The following CHMP1A variants were observed in gnomAD, a reference collection of about 807,000 sequenced individuals.
CHMP1A encodes the protein VPS46 homolog A.
Under a neutral mutation model 27.0 loss-of-function variants are expected in CHMP1A, and 17 were observed. The observed-to-expected ratio is 0.63, with a 90% CI of 0.43 to 0.95. The LOEUF (loss-of-function observed/expected upper bound fraction) is 0.95. CHMP1A is among the 40% of genes least tolerant of loss of function. The pLI, the probability that CHMP1A is intolerant of heterozygous loss-of-function variation, is 0.00. For missense variants in CHMP1A, 275 were observed against 264.0 expected (o/e 1.04, Z -0.29); for synonymous variants, 131 against 107.5 (o/e 1.22, Z -1.35).
chr16:89,655,390 C>CCTCACCTCAGCTTTCT (rs2059856721), intron 1 of CHMP1A, among the ~76,000 whole-genome samples: 2 of 150,518 alleles, frequency 1.3e-5, no homozygotes, highest in Non-Finnish European at 3.0e-5. Flanking sequence ...CTCAGCTTTC[C>CCTCACCTCAGCTTTCT]CTCACCTCAG....
At chr16:89,655,712 G>A (rs890032375) in intron 1 of CHMP1A, among the ~76,000 whole-genome samples, 3 of 151,658 alleles carry the variant, frequency 2.0e-5, no homozygotes, top group African/African-American at 7.3e-5. Context: ...TGCAACCTCT[G>A]CCTCCCAGGT....
rs777223665 is a variant in CHMP1A, at chr16:89,646,512, G to C, written c.569+15C>G. Reference sequence around the variant, plus strand: ...CGTGGGGTTGGTGACACAGCGTTTCGGGGACCGACCCTACCTCCGTGACAG... The same window carrying C: ...CGTGGGGTTGGTGACACAGCGTTTCCGGGACCGACCCTACCTCCGTGACAG... On this transcript the variant is annotated intron_variant, in intron 6 of 6. Transcript: ENST00000397901. 10 of 1,558,318 alleles carry C rather than the reference G, an allele frequency of 6.4e-6. No homozygotes were observed. The highest frequency in any genetic ancestry group is 8.7e-6 in the Non-Finnish European group (10 of 1,150,320).
intron 2 of CHMP1A, 58 bp downstream of exon 2, chr16:89,653,846 C>T: frequency 3.8e-6 from 6 of 1,569,370 alleles, no homozygotes; most frequent in Non-Finnish European, 4.4e-6. Flanking sequence ...GTGAGCGTGG[C>T]TTATACTATC....
intron 1 of CHMP1A, among the ~76,000 whole-genome samples, chr16:89,657,248 G>A (rs1170634890): frequency 6.7e-6 from 1 of 149,630 alleles, no homozygotes; most frequent in Non-Finnish European, 1.5e-5. Context: ...CGAGGGTCGA[G>A]GCCCGGGAAA....
At chr16:89,653,581 C>G (rs1209505405) in intron 2 of CHMP1A, among the ~76,000 whole-genome samples, 1 of 144,474 alleles carries the variant, frequency 6.9e-6, no homozygotes, top group African/African-American at 2.6e-5. Context: ...CGAGATCACG[C>G]CAATGCACTC....
At position 89,653,916 on chromosome 16, in the gene CHMP1A, C is replaced by G. The variant is rs2059844212; in HGVS notation, c.15G>C (p.Leu5=). The change falls in exon 2 of 7, where the codon CTG becomes CTC. Residue 5 remains leucine, a synonymous_variant. Transcript: ENST00000397901. ...ATTCGGTACATACCTTCAACTGGAA[C>G]AGGGTATCTGCAAAGAAAGAGGGAA... is the stretch of plus-strand genomic sequence containing the variant. MDDT[L]FQLKFTAKQL... is the part of the protein sequence containing the mutation. 2.5e-6 allele frequency: 4 copies of G among 1,613,542 alleles called. No homozygotes were observed. Among genetic ancestry groups the G allele is most frequent in the Admixed American group, 1.7e-5 (1 of 59,996 alleles).
Position 89,646,676 on chromosome 16 carries a change from G to T in CHMP1A, c.420C>A (p.Thr140=), listed in dbSNP as rs868012804. The T allele has an allele frequency of 1.2e-6, 2 of 1,610,760 alleles. No individual in the cohort carries two copies. Among genetic ancestry groups the T allele is most frequent in the Non-Finnish European group, 1.7e-6 (2 of 1,179,060 alleles). ...GGCTGTCCACCTGCTCCTGCGGCGT[G>T]GTCAGGGTGGTGGCCGAGCTCATGG... ...EDSMSSATTL[T]TPQEQVDSLI... is the part of the protein sequence containing the mutation. Residue 140 remains threonine (T), a synonymous_variant, in exon 6 of 7, where the codon ACC becomes ACA. Coordinates refer to ENST00000397901, the MANE Select transcript of CHMP1A (RefSeq NM_002768.5).
chr16:89,650,455 ACT>A, intron 3 of CHMP1A, among the ~76,000 whole-genome samples: 1 of 152,052 alleles, frequency 6.6e-6, no homozygotes, highest in South Asian at 2.1e-4. Flanking sequence ...GGGCATCATG[ACT>A]CTGCCCAGAC....
chr16:89,647,100 T>G (rs1247104336), intron 5 of CHMP1A, 103 bp downstream of exon 5: 1 of 1,540,314 alleles, frequency 6.5e-7, no homozygotes, highest in Non-Finnish European at 8.7e-7. Context: ...CAACCACAGG[T>G]ATGCAGAGAC....
Position 89,645,104 on chromosome 16 carries a change from C to G in CHMP1A, c.*962G>C, listed in dbSNP as rs972936752. 6.6e-6 allele frequency: 1 copy of G among 152,324 alleles called. No individual in the cohort carries two copies. Among genetic ancestry groups the G allele is most frequent in the African/African-American group, 2.4e-5 (1 of 41,462 alleles). 9.4% of individuals were successfully genotyped at this position (152,324 alleles called of 1,614,324 possible). On this transcript the variant is annotated 3_prime_UTR_variant, in exon 7 of 7. Transcript: ENST00000397901. ...GGCTCTCCTGAGCTCCCTTCATCAG[C>G]TGCCTTGGCTTCCAAGCTGGGAAGG...
At chr16:89,657,509 C>A (rs938056917) in intron 1 of CHMP1A, 73 bp downstream of exon 1, 3 of 1,582,390 alleles carry the variant, frequency 1.9e-6, no homozygotes, top group African/African-American at 1.4e-5. Flanking sequence ...CCCAGGTGGG[C>A]GGAGCCCACG....
rs554604674 is a variant in CHMP1A at position 89,653,938 on chromosome 16, G to T, written c.8-15C>A. The T allele has an allele frequency of 1.2e-6, 2 of 1,613,260 alleles. No individual in the cohort carries two copies. Among genetic ancestry groups the T allele is most frequent in the African/African-American group, 2.7e-5 (2 of 74,928 alleles). On this transcript the variant is annotated splice_polypyrimidine_tract_variant and intron_variant, in intron 1 of 6. Coordinates refer to ENST00000397901, the MANE Select transcript of CHMP1A (RefSeq NM_002768.5). ...GAACAGGGTATCTGCAAAGAAAGAGGGAATTAATGGTTTGAGGATTGGGAA... is the reference window on the plus strand; with the variant it reads ...GAACAGGGTATCTGCAAAGAAAGAGTGAATTAATGGTTTGAGGATTGGGAA...
In CHMP1A at chr16:89,657,665, T is replaced by G. The variant is rs2059897171; in HGVS notation, c.-77A>C. The stretch of plus-strand genomic sequence containing the variant: ...GGGCGGTGTCAGGTCCCGGCGGCGA[T>G]CGAACCGACCAAGCTGCACCCGGCG... On this transcript the variant is annotated 5_prime_UTR_variant, in exon 1 of 7. Coordinates refer to ENST00000397901, the MANE Select transcript of CHMP1A (RefSeq NM_002768.5). 6.3e-7 allele frequency: 1 copy of G among 1,599,150 alleles called. No individual in the cohort carries two copies.
intron 2 of CHMP1A, 78 bp downstream of exon 2, chr16:89,653,826 G>T (rs2059843476): frequency 1.4e-6 from 2 of 1,433,446 alleles, no homozygotes; most frequent in African/African-American, 2.8e-5. Context: ...GACTGTTTCT[G>T]TGGCTCTGAG....
At position 89,649,425 on chromosome 16, in the gene CHMP1A, C is replaced by T. The variant is rs1462468843; in HGVS notation, c.178G>A (p.Val60Met). The change falls in exon 4 of 7, where the codon GTG becomes ATG. Residue 60 changes from valine to methionine, a missense_variant. Coordinates refer to ENST00000397901, the MANE Select transcript of CHMP1A (RefSeq NM_002768.5). Reference protein sequence around the residue: ...ENAIRKKNEGVNWLRMASRVD... With the variant: ...ENAIRKKNEGMNWLRMASRVD... ...CGGGACGCCATCCGAAGCCAGTTCA[C>T]ACCTTCGTTCTTCTTGCGGATGGCG... 1 of 1,613,794 alleles carries T rather than the reference C, an allele frequency of 6.2e-7. No individual in the cohort carries two copies. The highest frequency in any genetic ancestry group is 8.5e-7 in the Non-Finnish European group (1 of 1,179,884).
intron 1 of CHMP1A, among the ~76,000 whole-genome samples, chr16:89,656,464 C>A (rs2059871677): frequency 6.6e-6 from 1 of 152,206 alleles, no homozygotes. Context: ...AAAAGCCTGC[C>A]CATCACACCA....
At chr16:89,646,407 G>A in intron 6 of CHMP1A, 120 bp downstream of exon 6, 1 of 1,155,684 alleles carries the variant, frequency 8.7e-7, no homozygotes, top group South Asian at 1.5e-5. Flanking sequence ...CGAGATCAGG[G>A]CTCCCTGGTC....
At position 89,647,603 on chromosome 16, in the gene CHMP1A, T is replaced by C. The variant is rs549597342; in HGVS notation, c.253-272A>G. On this transcript the variant is annotated intron_variant, in intron 4 of 6. Coordinates refer to ENST00000397901, the MANE Select transcript of CHMP1A (RefSeq NM_002768.5). ...GTCAGTGGAGAAAAGGCCGCCGACG[T>C]GGAGACCCAGTGCGGGGTCGGTGGA... Among the ~76,000 whole-genome samples the C allele has an allele frequency of 0.013, 1,596 of 122,036 alleles. 83 individuals carry two copies. The highest frequency in any genetic ancestry group is 0.016 in the Non-Finnish European group (887 of 56,458). The allele number at this position is 122,036 out of a possible 152,430, so 80.1% of individuals were successfully genotyped here.
intron 2 of CHMP1A, among the ~76,000 whole-genome samples, chr16:89,653,440 G>A (rs1198639233): frequency 6.6e-6 from 1 of 150,416 alleles, no homozygotes; most frequent in Non-Finnish European, 1.5e-5. Flanking sequence ...CCAACGTGGT[G>A]AAACCCCGTC....
Sources: gnomAD v4.1 joint callset for allele counts (sites outside exome capture counted in the v4.1 genomes callset) on GRCh38, gnomAD v4.1.1 for gene constraint, MANE v1.5 for transcripts, NCBI Gene and HGNC (gene_info 2026-07-23, HGNC 2026-07-21) for gene names.